Variants in UNC5D observed in about 807,000 individuals in gnomAD.
The protein encoded by UNC5D is netrin receptor UNC5D.
Under a neutral mutation model 105.4 loss-of-function variants are expected in UNC5D, and 39 were observed. That is an observed-to-expected ratio of 0.37 (90% CI 0.29 to 0.48). UNC5D has a LOEUF of 0.48. Ranked by LOEUF, UNC5D falls within the 20% of genes least tolerant of loss-of-function variation. The pLI is 0.98. For missense variants in UNC5D, 991 were observed against 1,202.4 expected (o/e 0.82, Z 2.60); for synonymous variants, 452 against 450.4 (o/e 1.00, Z -0.04).
intron 1 of UNC5D, among the ~76,000 whole-genome samples, chr8:35,545,831 T>A (rs1815627959): frequency 6.6e-6 from 1 of 152,108 alleles, no homozygotes; most frequent in Non-Finnish European, 1.5e-5. Flanking sequence ...TATGTAATAA[T>A]AAAAATGTAA....
rs577577250 is a variant in UNC5D, at chr8:35,726,630, C to A, written c.1681+101C>A. The A allele has an allele frequency of 9.9e-6, 15 of 1,518,178 alleles. No homozygotes were observed. In the South Asian group the frequency reaches 1.9e-4, roughly 19 times the overall value. 94.0% of individuals were successfully genotyped at this position (1,518,178 alleles called of 1,614,324 possible). On this transcript the variant is annotated intron_variant, in intron 10 of 16. Coordinates refer to ENST00000404895, the MANE Select transcript of UNC5D (RefSeq NM_080872.4). ...TTCATTTTATGATGTTTACTCTCCC[C>A]TCATCAGACCTGCAAACACTGCGGC...
chr8:35,606,146 C>T (rs1009031708), intron 4 of UNC5D, among the ~76,000 whole-genome samples: 1 of 151,948 alleles, frequency 6.6e-6, no homozygotes, highest in South Asian at 2.1e-4. Context: ...CACCACCATG[C>T]CTGGCTAATT....
At chr8:35,724,366 G>A in intron 9 of UNC5D, 4 of 1,459,180 alleles carry the variant, frequency 2.7e-6, no homozygotes, top group Non-Finnish European at 3.6e-6. Flanking sequence ...CACCTCCACT[G>A]TCTTAGAGAG....
chr8:35,557,874 G>A (rs1009015215), intron 2 of UNC5D, among the ~76,000 whole-genome samples: 1 of 152,114 alleles, frequency 6.6e-6, no homozygotes, highest in Non-Finnish European at 1.5e-5. Flanking sequence ...GCTCACGCAT[G>A]TAATCCCAGC....
intron 2 of UNC5D, among the ~76,000 whole-genome samples, chr8:35,550,404 A>G (rs1386397235): frequency 6.6e-6 from 1 of 152,214 alleles, no homozygotes; most frequent in Non-Finnish European, 1.5e-5. Context: ...ACAAGATCCA[A>G]TCTGGTCACA....
chr8:35,782,334 T>G (rs981460907), intron 16 of UNC5D, among the ~76,000 whole-genome samples: 3 of 152,148 alleles, frequency 2.0e-5, no homozygotes, highest in African/African-American at 7.2e-5. Context: ...TTCATTAAAT[T>G]AGACAATTAA....
chr8:35,684,600 C>T lies in UNC5D; in HGVS notation c.770C>T (p.Ser257Phe). ...CTCTCAGTGAATGGAGGCTGGTCTTCCTGGACAGAGTGGTCAGCCTGCAAT... is the reference window on the plus strand; with the variant it reads ...CTCTCAGTGAATGGAGGCTGGTCTTTCTGGACAGAGTGGTCAGCCTGCAAT... ...VVVYVNGGWS[S>F]WTEWSACNVR... is the part of the protein sequence containing the mutation. The change falls in exon 6 of 17, where the codon TCC (serine) becomes TTC (phenylalanine). Residue 257 changes from serine (S) to phenylalanine (F), a missense_variant. By Grantham distance (155) the Ser-to-Phe change is radical (BLOSUM62 -2). Around this residue, in one of 3 missense-constraint regions of UNC5D, gnomAD observed 944 missense variants for 1,131.6 expected, o/e 0.83. Coordinates refer to ENST00000404895, the MANE Select transcript of UNC5D (RefSeq NM_080872.4). 4.3e-6 allele frequency: 7 copies of T among 1,612,552 alleles called. No individual in the cohort carries two copies. The highest frequency in any genetic ancestry group is 5.9e-6 in the Non-Finnish European group (7 of 1,179,668).
At chr8:35,529,478 AGT>A (rs1814165037) in intron 1 of UNC5D, among the ~76,000 whole-genome samples, 1 of 146,952 alleles carries the variant, frequency 6.8e-6, no homozygotes, top group African/African-American at 2.6e-5. Context: ...GAAGTCAGGT[AGT>A]GTGATGCCTC....
intron 7 of UNC5D, among the ~76,000 whole-genome samples, chr8:35,687,441 C>CAAAAAAAA (rs34104800): frequency 1.9e-5 from 1 of 53,088 alleles, no homozygotes; most frequent in Non-Finnish European, 4.2e-5. Flanking sequence ...GACTCCGTCT[C>CAAAAAAAA]AAAAAAAAAA....
At chr8:35,260,417 A>T (rs536203061) in intron 1 of UNC5D, among the ~76,000 whole-genome samples, 1 of 152,320 alleles carries the variant, frequency 6.6e-6, no homozygotes, top group East Asian at 1.9e-4. Context: ...GTCGTCCACA[A>T]AGTACACACG....
At chr8:35,748,076 T>C (rs1019824860) in intron 11 of UNC5D, among the ~76,000 whole-genome samples, 1 of 152,236 alleles carries the variant, frequency 6.6e-6, no homozygotes, top group African/African-American at 2.4e-5. Flanking sequence ...ATTTGCTTTA[T>C]CATTTACCAG....
intron 1 of UNC5D, among the ~76,000 whole-genome samples, chr8:35,351,593 A>G (rs1449192605): frequency 1.3e-5 from 2 of 152,052 alleles, no homozygotes; most frequent in Non-Finnish European, 2.9e-5. Context: ...TCTTCTGTGC[A>G]TAAAGACTGA....
chr8:35,501,922 AGAT>A, intron 1 of UNC5D, among the ~76,000 whole-genome samples: 1 of 152,310 alleles, frequency 6.6e-6, no homozygotes, highest in East Asian at 1.9e-4. Flanking sequence ...AATGTGAGAG[AGAT>A]GATTATTTGT....
chr8:35,697,608 A>T (rs1358619958), intron 7 of UNC5D, among the ~76,000 whole-genome samples: 1 of 152,176 alleles, frequency 6.6e-6, no homozygotes, highest in African/African-American at 2.4e-5. Context: ...TAGGAAATTG[A>T]TGAACCTTGA....
intron 1 of UNC5D, among the ~76,000 whole-genome samples, chr8:35,429,181 C>A (rs963128174): frequency 2.0e-5 from 3 of 152,066 alleles, no homozygotes; most frequent in Admixed American, 2.0e-4. Flanking sequence ...TTCATTTTAT[C>A]CCTTTCTTCT....
chr8:35,591,778 A>G (rs1365190471), intron 3 of UNC5D, among the ~76,000 whole-genome samples: 1 of 152,158 alleles, frequency 6.6e-6, no homozygotes, highest in Non-Finnish European at 1.5e-5. Flanking sequence ...AGGACATAGA[A>G]CCTGCTTTCA....
chr8:35,447,495 T>C (rs908614250), intron 1 of UNC5D, among the ~76,000 whole-genome samples: 4 of 152,082 alleles, frequency 2.6e-5, no homozygotes, highest in Non-Finnish European at 5.9e-5. Flanking sequence ...TCTACTGACA[T>C]GCATTACCTT....
At chr8:35,572,300 A>AC (rs1817792120) in intron 3 of UNC5D, among the ~76,000 whole-genome samples, 2 of 139,544 alleles carry the variant, frequency 1.4e-5, no homozygotes, top group Admixed American at 7.2e-5. Flanking sequence ...AAAAAAAAAA[A>AC]CCCACACAAA....
chr8:35,779,935 G>C (rs1340676856), intron 16 of UNC5D, among the ~76,000 whole-genome samples: 1 of 152,120 alleles, frequency 6.6e-6, no homozygotes, highest in African/African-American at 2.4e-5. Flanking sequence ...ATTCTTCTGT[G>C]ATGCCTCCTA....
Sources: allele counts gnomAD v4.1 joint callset (sites outside exome capture counted in the v4.1 genomes callset), GRCh38; gene constraint gnomAD v4.1.1; regional missense constraint gnomAD v4.1.1; transcripts MANE v1.5; gene names NCBI Gene and HGNC (gene_info 2026-07-23, HGNC 2026-07-21).